Variants in ASTN1 observed in about 807,000 individuals in gnomAD.
ASTN1 encodes the protein astrotactin-1.
Under a neutral mutation model 140.7 loss-of-function variants are expected in ASTN1, and 41 were observed. The ratio of observed to expected loss-of-function variants is 0.29; its 90% CI spans 0.23 to 0.38. ASTN1 has a LOEUF of 0.38. Ranked by LOEUF, ASTN1 falls within the 10% of genes least tolerant of loss-of-function variation. The pLI is 1.00. For synonymous variants in ASTN1, 640 were observed against 652.2 expected (o/e 0.98, Z 0.29); for missense variants, 1,479 against 1,678.8 (o/e 0.88, Z 2.08).
intron 7 of ASTN1, among the ~76,000 whole-genome samples, chr1:177,015,769 G>T (rs929557045): frequency 1.2e-4 from 18 of 152,048 alleles, no homozygotes; most frequent in Non-Finnish European, 2.6e-4. Flanking sequence ...AAAAGATTAA[G>T]AATCATTGCT....
intron 2 of ASTN1, among the ~76,000 whole-genome samples, chr1:177,060,656 G>A (rs1678036852): frequency 6.6e-6 from 1 of 152,062 alleles, no homozygotes; most frequent in African/African-American, 2.4e-5. Context: ...GACTGCAGGT[G>A]TGCCCAGCTA....
chr1:176,863,512 T>C lies in ASTN1; in HGVS notation c.*772A>G, dbSNP rs977352687. On this transcript the variant is annotated 3_prime_UTR_variant, in exon 23 of 23. Coordinates refer to ENST00000361833, the MANE Select transcript of ASTN1 (RefSeq NM_004319.3). The stretch of plus-strand genomic sequence containing the variant: ...GTGGACTGCTAACTAGTCTCCCAGG[T>C]AGACTTTTCTGAAGGTGCAGTTGAC... The C allele has an allele frequency of 1.0e-6, 1 of 985,446 alleles. No individual in the cohort carries two copies. Among genetic ancestry groups the C allele is most frequent in the Non-Finnish European group, 1.2e-6 (1 of 829,880 alleles). The allele number at this position is 985,446 out of a possible 1,614,324, so 61.0% of individuals were successfully genotyped here.
intron 5 of ASTN1, among the ~76,000 whole-genome samples, chr1:177,028,953 G>A (rs1676275362): frequency 6.6e-6 from 1 of 152,188 alleles, no homozygotes; most frequent in African/African-American, 2.4e-5. Context: ...GGTGATACAA[G>A]TGAAGTCAGA....
At chr1:176,990,367 GC>G (rs1674101196) in intron 8 of ASTN1, among the ~76,000 whole-genome samples, 1 of 152,114 alleles carries the variant, frequency 6.6e-6, no homozygotes, top group African/African-American at 2.4e-5. Flanking sequence ...TGTCAGAGTG[GC>G]AAAATTCATC....
chr1:176,957,166 A>T (rs1477754723), intron 11 of ASTN1, among the ~76,000 whole-genome samples: 1 of 152,180 alleles, frequency 6.6e-6, no homozygotes, highest in African/African-American at 2.4e-5. Flanking sequence ...GGCCTCCCAA[A>T]GCACTGGGAT....
At chr1:176,934,638 G>C (rs1671356465) in intron 15 of ASTN1, among the ~76,000 whole-genome samples, 1 of 151,022 alleles carries the variant, frequency 6.6e-6, no homozygotes, top group African/African-American at 2.4e-5. Flanking sequence ...TAAATCACAG[G>C]TCATGACATT....
At chr1:177,090,332 T>C (rs1449355949) in intron 1 of ASTN1, among the ~76,000 whole-genome samples, 1 of 152,024 alleles carries the variant, frequency 6.6e-6, no homozygotes, top group East Asian at 1.9e-4. Flanking sequence ...TGCAACATGC[T>C]AGACATAGCT....
rs79998277 is a variant in ASTN1, at chr1:176,992,690, C to G, written c.1523+22101G>C. ...ATTAGCTATTACTTGGTGGAGAATACAGGAGTACACAGAGACTCAAAAGGG... is the reference window on the plus strand; with the variant it reads ...ATTAGCTATTACTTGGTGGAGAATAGAGGAGTACACAGAGACTCAAAAGGG... On this transcript the variant is annotated intron_variant, in intron 8 of 22. Coordinates refer to ENST00000361833, the MANE Select transcript of ASTN1 (RefSeq NM_004319.3). 5.1e-3 allele frequency among the ~76,000 whole-genome samples: 782 copies of G among 152,258 alleles called. 7 individuals carry two copies. Among genetic ancestry groups the G allele is most frequent in the African/African-American group, 0.018 (742 of 41,538 alleles).
chr1:176,973,391 G>A (rs574199860), intron 8 of ASTN1, among the ~76,000 whole-genome samples: 3 of 151,846 alleles, frequency 2.0e-5, no homozygotes, highest in South Asian at 2.1e-4. Context: ...CAACTCCCAC[G>A]CTCCTCTATC....
At chr1:177,036,040 T>C (rs538378976) in intron 2 of ASTN1, among the ~76,000 whole-genome samples, 1 of 138,348 alleles carries the variant, frequency 7.2e-6, no homozygotes. Flanking sequence ...AGCTTTCTTT[T>C]TTTTTTTTTT....
At chr1:176,949,495 A>C in intron 11 of ASTN1, 144 bp from the exon 12 acceptor site, 2 of 938,190 alleles carry the variant, frequency 2.1e-6, no homozygotes, top group Non-Finnish European at 3.1e-6. Flanking sequence ...ATTTCCTACC[A>C]CAGCAGACTT....
chr1:177,018,248 T>C (rs1675653650), intron 7 of ASTN1, among the ~76,000 whole-genome samples: 1 of 152,126 alleles, frequency 6.6e-6, no homozygotes, highest in Non-Finnish European at 1.5e-5. Flanking sequence ...TTAATGGAGT[T>C]ACAGAACGGA....
Position 176,864,527 on chromosome 1 carries a change from G to A in ASTN1, c.3648-6C>T. The A allele has an allele frequency of 1.9e-6, 3 of 1,613,714 alleles. No homozygotes were observed. Among genetic ancestry groups the A allele is most frequent in the Non-Finnish European group, 2.5e-6 (3 of 1,179,702 alleles). On this transcript the variant is annotated splice_polypyrimidine_tract_variant and splice_region_variant and intron_variant, in intron 22 of 22. Transcript: ENST00000361833. Reference sequence around the variant, plus strand: ...AAAGGATGAGACCAGCTTTCCTATGGATCAAGCACAGAGGATACTTAAGTT... The same window carrying A: ...AAAGGATGAGACCAGCTTTCCTATGAATCAAGCACAGAGGATACTTAAGTT...
intron 1 of ASTN1, among the ~76,000 whole-genome samples, chr1:177,104,772 G>A (rs537655124): frequency 7.0e-4 from 107 of 152,300 alleles, no homozygotes; most frequent in Admixed American, 2.3e-3. Context: ...TCCGACACCA[G>A]CTGCCAGTGA....
At chr1:177,015,802 A>G (rs953865251) in intron 7 of ASTN1, among the ~76,000 whole-genome samples, 1 of 152,194 alleles carries the variant, frequency 6.6e-6, no homozygotes, top group Non-Finnish European at 1.5e-5. Flanking sequence ...GATTTTGAAG[A>G]AAATTTTTGC....
intron 16 of ASTN1, among the ~76,000 whole-genome samples, chr1:176,907,462 T>C (rs1670051171): frequency 6.6e-6 from 1 of 152,236 alleles, no homozygotes; most frequent in African/African-American, 2.4e-5. Flanking sequence ...TGAAAACTAC[T>C]GACGTTCGTC....
rs1489259986 is a variant in ASTN1, at chr1:177,024,718, T to G, written c.1135A>C (p.Ser379Arg). ...GTCAAGGTGGTCTTATTCACAGGAC[T>G]TCGGGGAGAACCCACTGAAAGTGAG... is the stretch of plus-strand genomic sequence containing the variant. ...RRRSRVGSPRSPVNKTTLTLI... is the reference protein window; with the variant it reads ...RRRSRVGSPRRPVNKTTLTLI... Residue 379 changes from serine to arginine, a missense_variant, in exon 6 of 23, where the codon AGT becomes CGT. Around this residue, in one of 3 missense-constraint regions of ASTN1, gnomAD observed 729 missense variants for 860.4 expected, o/e 0.85. Coordinates refer to ENST00000361833, the MANE Select transcript of ASTN1 (RefSeq NM_004319.3). The G allele has an allele frequency of 6.2e-7, 1 of 1,613,756 alleles. No individual in the cohort carries two copies. The highest frequency in any genetic ancestry group is 1.1e-5 in the South Asian group (1 of 91,030).
intron 20 of ASTN1, among the ~76,000 whole-genome samples, chr1:176,881,909 C>T (rs1489399802): frequency 6.6e-6 from 1 of 152,154 alleles, no homozygotes; most frequent in Non-Finnish European, 1.5e-5. Context: ...TTCTGGAAAC[C>T]TTGACTCTAT....
rs371975073 is a variant in ASTN1 at position 177,098,468 on chromosome 1, T to A, written c.284-37203A>T. Among the ~76,000 whole-genome samples the A allele has an allele frequency of 3.9e-5, 6 of 152,202 alleles. No homozygotes were observed. In the East Asian group the frequency reaches 9.6e-4, roughly 24 times the overall value. On this transcript the variant is annotated intron_variant, in intron 1 of 22. Coordinates refer to ENST00000361833, the MANE Select transcript of ASTN1 (RefSeq NM_004319.3). ...TAACTATTTTTATTTTTTCTTATTTTCTTTTCTGAACCCTCCAGATCAGTC... is the reference window on the plus strand; with the variant it reads ...TAACTATTTTTATTTTTTCTTATTTACTTTTCTGAACCCTCCAGATCAGTC...
Sources: allele counts gnomAD v4.1 joint callset (sites outside exome capture counted in the v4.1 genomes callset), GRCh38; gene constraint gnomAD v4.1.1; regional missense constraint gnomAD v4.1.1; transcripts MANE v1.5; gene names NCBI Gene and HGNC (gene_info 2026-07-23, HGNC 2026-07-21).